MAD1L1: variants seen among roughly 807,000 people sequenced by gnomAD.
The protein encoded by MAD1L1 is mitotic spindle assembly checkpoint protein MAD1.
MAD1L1 carries 95 observed loss-of-function variants against 96.9 expected under a neutral mutation model. The observed-to-expected ratio is 0.98, with a 90% confidence interval of 0.83 to 1.16. The LOEUF is 1.16. Ranked by LOEUF, MAD1L1 falls within the 50% of genes most tolerant of loss-of-function variation. MAD1L1 has a pLI of 0.00. For synonymous variants in MAD1L1, 473 were observed against 396.6 expected (o/e 1.19, Z -2.29); for missense variants, 1,007 against 954.4 (o/e 1.06, Z -0.73).
intron 16 of MAD1L1, among the ~76,000 whole-genome samples, chr7:1,938,272 C>T (rs1482624167): frequency 1.3e-5 from 2 of 150,852 alleles, no homozygotes; most frequent in Non-Finnish European, 2.9e-5. Context: ...CAACAGCCGC[C>T]CACGGCAGGG....
At chr7:2,117,753 G>A (rs374738473) in intron 11 of MAD1L1, among the ~76,000 whole-genome samples, 6 of 152,114 alleles carry the variant, frequency 3.9e-5, no homozygotes, top group East Asian at 1.9e-4. Flanking sequence ...ACCGAGTCTC[G>A]GGTATGTCTT....
intron 11 of MAD1L1, among the ~76,000 whole-genome samples, chr7:2,133,523 G>A (rs1788613897): frequency 6.6e-6 from 1 of 152,230 alleles, no homozygotes; most frequent in Non-Finnish European, 1.5e-5. Context: ...ATTCTCAACA[G>A]TTTCCTTCGC....
At chr7:2,102,407 C>T (rs893668230) in intron 11 of MAD1L1, among the ~76,000 whole-genome samples, 15 of 151,028 alleles carry the variant, frequency 9.9e-5, no homozygotes, top group African/African-American at 3.7e-4. Flanking sequence ...CTAGCACTCT[C>T]ACCATGTCAC....
rs565986208 is a variant in MAD1L1 at position 2,148,933 on chromosome 7, G to A, written c.1073+219C>T. On this transcript the variant is annotated intron_variant, in intron 11 of 18. Transcript: ENST00000265854. ...TGGCAGTTTAGCACATTGTCAGAAC[G>A]ATGGACGGTGGTGCCTCAGCGGAGG... is the stretch of plus-strand genomic sequence containing the variant. Among the ~76,000 whole-genome samples the A allele has an allele frequency of 5.3e-5, 8 of 152,278 alleles. No individual in the cohort carries two copies. In the South Asian group the frequency reaches 6.2e-4, roughly 12 times the overall value.
chr7:1,940,727 G>A (rs1778913439), intron 16 of MAD1L1, among the ~76,000 whole-genome samples: 1 of 152,238 alleles, frequency 6.6e-6, no homozygotes, highest in Non-Finnish European at 1.5e-5. Context: ...TGCGGGCACG[G>A]AAACACGAAT....
chr7:2,046,925 C>T (rs1056857460), intron 12 of MAD1L1, among the ~76,000 whole-genome samples: 148 of 152,356 alleles, frequency 9.7e-4, no homozygotes, highest in African/African-American at 3.3e-3. Context: ...CCACACGCTG[C>T]GCACACAACA....
At chr7:1,827,545 G>T (rs12538437) in intron 18 of MAD1L1, among the ~76,000 whole-genome samples, 14,433 of 75,880 alleles carry the variant, frequency 0.19, 1,445 homozygotes, top group Middle Eastern at 0.35. Context: ...GGGTGTGGGG[G>T]CCTCCCCTCC....
At chr7:2,128,506 C>T (rs1788347412) in intron 11 of MAD1L1, among the ~76,000 whole-genome samples, 1 of 152,202 alleles carries the variant, frequency 6.6e-6, no homozygotes. Context: ...TCAGGAGAGG[C>T]CAGGTGACCT....
At position 1,872,382 on chromosome 7, in the gene MAD1L1, A is replaced by G. The variant is rs76832048; in HGVS notation, c.1998+25818T>C. 2.1e-4 allele frequency among the ~76,000 whole-genome samples: 32 copies of G among 152,224 alleles called. 1 individual carries two copies. The East Asian group carries it at 6.2e-3, about 30-fold the overall frequency. ...GTCCAGGTGCACCAGGCCTCCCCACAGCACCTGCTCCTGGGTGAGCCCTCA... is the reference window on the plus strand; with the variant it reads ...GTCCAGGTGCACCAGGCCTCCCCACGGCACCTGCTCCTGGGTGAGCCCTCA... On this transcript the variant is annotated intron_variant, in intron 18 of 18. Coordinates refer to ENST00000265854, the MANE Select transcript of MAD1L1 (RefSeq NM_001013836.2).
intron 11 of MAD1L1, among the ~76,000 whole-genome samples, chr7:2,080,663 G>A (rs1281650029): frequency 6.6e-6 from 1 of 152,196 alleles, no homozygotes; most frequent in Non-Finnish European, 1.5e-5. Context: ...TCCATCCCCA[G>A]GCAGCTGGAA....
chr7:2,202,448 A>G (rs1792363719), intron 10 of MAD1L1, among the ~76,000 whole-genome samples: 1 of 152,204 alleles, frequency 6.6e-6, no homozygotes, highest in Non-Finnish European at 1.5e-5. Flanking sequence ...ACAGACGCAC[A>G]GGCCTGAGGG....
At chr7:1,862,292 T>A (rs1784571851) in intron 18 of MAD1L1, among the ~76,000 whole-genome samples, 1 of 152,172 alleles carries the variant, frequency 6.6e-6, no homozygotes, top group African/African-American at 2.4e-5. Context: ...AGGACTGAAA[T>A]ATCTCCAGAT....
intron 12 of MAD1L1, among the ~76,000 whole-genome samples, chr7:2,023,808 G>A (rs1782884808): frequency 6.6e-6 from 1 of 152,014 alleles, no homozygotes; most frequent in Admixed American, 6.5e-5. Flanking sequence ...AATTAGCCAG[G>A]CGTGGTGGCA....
At chr7:2,067,116 CCAA>C (rs1333627102) in intron 12 of MAD1L1, among the ~76,000 whole-genome samples, 2 of 152,206 alleles carry the variant, frequency 1.3e-5, no homozygotes, top group African/African-American at 2.4e-5. Context: ...GGGACTGGGC[CCAA>C]CAACAAGGTG....
chr7:2,070,594 C>G (rs1359559366), intron 11 of MAD1L1, among the ~76,000 whole-genome samples: 1 of 152,238 alleles, frequency 6.6e-6, no homozygotes, highest in Non-Finnish European at 1.5e-5. Flanking sequence ...CCCAGGCAGG[C>G]GCAGAGCGGA....
chr7:2,221,085 C>G, intron 5 of MAD1L1: 1 of 1,542,338 alleles, frequency 6.5e-7, no homozygotes, highest in Admixed American at 1.8e-5. Context: ...GGAGCGGCCA[C>G]CTCGGCTTAG....
intron 5 of MAD1L1, among the ~76,000 whole-genome samples, chr7:2,221,489 C>A (rs936486531): frequency 6.6e-6 from 1 of 150,850 alleles, no homozygotes. Context: ...CCCCGCTGCA[C>A]GCCCACCCCA....
intron 16 of MAD1L1, among the ~76,000 whole-genome samples, chr7:1,947,785 G>A (rs975487474): frequency 2.6e-5 from 4 of 152,240 alleles, no homozygotes; most frequent in Non-Finnish European, 4.4e-5. Flanking sequence ...CCTCAGCAGC[G>A]GCCTGACCTT....
chr7:1,998,643 T>A (rs1035510806), intron 14 of MAD1L1, among the ~76,000 whole-genome samples: 1 of 151,886 alleles, frequency 6.6e-6, no homozygotes, highest in African/African-American at 2.4e-5. Context: ...CACTGAAGGG[T>A]CCAGAAAGCT....
Sources: allele counts gnomAD v4.1 joint callset (sites outside exome capture counted in the v4.1 genomes callset), GRCh38; gene constraint gnomAD v4.1.1; transcripts MANE v1.5; gene names NCBI Gene and HGNC (gene_info 2026-07-23, HGNC 2026-07-21).